The following PIK3C2G variants were observed in gnomAD, a reference collection of about 807,000 sequenced individuals.
PIK3C2G encodes the protein phosphatidylinositol-4-phosphate 3-kinase catalytic subunit type 2 gamma.
A neutral mutation model predicts 181.1 loss-of-function variants in PIK3C2G; 168 were observed. The ratio of observed to expected loss-of-function variants is 0.93; its 90% CI spans 0.82 to 1.05. PIK3C2G has a LOEUF of 1.05. PIK3C2G is among the 50% of genes least tolerant of loss of function. The probability of loss-of-function intolerance (pLI) is 0.00; values close to 1 mark genes in which losing one functional copy is unlikely to be tolerated. For synonymous variants in PIK3C2G, 573 were observed against 592.2 expected, an observed-to-expected ratio of 0.97 and a Z score of 0.47; for missense variants, 1,869 against 1,732.8, an observed-to-expected ratio of 1.08 and a Z score of -1.40.
At chr12:18,692,226 G>C in the PIK3C2G span, among the ~76,000 whole-genome samples, 17 of 152,102 alleles carry the variant, frequency 1.1e-4, no homozygotes, top group Admixed American at 2.0e-4. Flanking sequence ...GGTAGGATCT[G>C]AGATGGTTTA....
intron 15 of PIK3C2G, among the ~76,000 whole-genome samples, chr12:18,393,321 C>G (rs1943656177): frequency 6.6e-6 from 1 of 152,002 alleles, no homozygotes; most frequent in Admixed American, 6.6e-5. Flanking sequence ...TTATTCTGGA[C>G]TGTGAAAATA....
chr12:18,317,610 A>G (rs1473658063), intron 6 of PIK3C2G, among the ~76,000 whole-genome samples: 1 of 152,204 alleles, frequency 6.6e-6, no homozygotes, highest in Non-Finnish European at 1.5e-5. Flanking sequence ...GCCAGCTCTA[A>G]AAGTTGAGAG....
At chr12:18,318,592 AT>A (rs935731744) in intron 6 of PIK3C2G, among the ~76,000 whole-genome samples, 2 of 152,040 alleles carry the variant, frequency 1.3e-5, no homozygotes, top group East Asian at 3.9e-4. Context: ...TCTTGATAGT[AT>A]TTTTTTCACA....
chr12:18,713,721 C>T, the PIK3C2G span: 18 of 152,170 alleles, frequency 1.2e-4, no homozygotes, highest in African/African-American at 4.1e-4. Context: ...CTAGGAGAAA[C>T]GTATGACCTG....
At chr12:18,704,429 G>A in the PIK3C2G span, among the ~76,000 whole-genome samples, 2,194 of 152,174 alleles carry the variant, frequency 0.014, 44 homozygotes, top group African/African-American at 0.05. Flanking sequence ...GGGTTCAAGC[G>A]ATTCTCCTGC....
intron 8 of PIK3C2G, among the ~76,000 whole-genome samples, chr12:18,327,324 G>C (rs2137513177): frequency 6.6e-6 from 1 of 152,070 alleles, no homozygotes. Context: ...ACATTAAGTA[G>C]CATTTCATCA....
intron 31 of PIK3C2G, among the ~76,000 whole-genome samples, chr12:18,630,499 C>T (rs959114525): frequency 3.9e-5 from 6 of 152,040 alleles, no homozygotes; most frequent in Non-Finnish European, 8.8e-5. Context: ...AATATATTGA[C>T]AGCTTAGAAA....
At chr12:18,249,660 T>G (rs1314635037) in intron 1 of PIK3C2G, among the ~76,000 whole-genome samples, 2 of 152,130 alleles carry the variant, frequency 1.3e-5, no homozygotes. Context: ...TTCTCCAGAT[T>G]TAGCCAAACA....
chr12:18,390,933 C>T (rs1169722449), intron 14 of PIK3C2G, among the ~76,000 whole-genome samples, 189 bp from the exon 15 acceptor site: 1 of 151,980 alleles, frequency 6.6e-6, no homozygotes, highest in African/African-American at 2.4e-5. Context: ...GGCTAAATAA[C>T]TTGTATATTT....
intron 16 of PIK3C2G, among the ~76,000 whole-genome samples, chr12:18,413,735 G>T (rs1945003913): frequency 6.6e-6 from 1 of 152,098 alleles, no homozygotes; most frequent in Non-Finnish European, 1.5e-5. Context: ...TTGCTAAAGA[G>T]TGTCTCCTGG....
At chr12:18,547,644 AAAAAC>A (rs143686648) in intron 26 of PIK3C2G, among the ~76,000 whole-genome samples, 29 of 150,968 alleles carry the variant, frequency 1.9e-4, no homozygotes, top group East Asian at 2.0e-4. Context: ...GAGTTGTTGC[AAAAAC>A]AAAACAAAAC....
intron 18 of PIK3C2G, among the ~76,000 whole-genome samples, chr12:18,453,939 C>T (rs996198156): frequency 5.3e-5 from 8 of 152,260 alleles, no homozygotes; most frequent in African/African-American, 1.9e-4. Flanking sequence ...AATTCCACCC[C>T]TCTGCTTAGC....
intron 29 of PIK3C2G, among the ~76,000 whole-genome samples, chr12:18,592,780 G>A (rs1413182104): frequency 6.6e-6 from 1 of 151,892 alleles, no homozygotes; most frequent in Admixed American, 6.6e-5. Flanking sequence ...GAGGAAAAAC[G>A]GAAGAAGAGT....
intron 2 of PIK3C2G, among the ~76,000 whole-genome samples, chr12:18,284,719 A>T (rs1199643327): frequency 1.3e-5 from 2 of 152,158 alleles, no homozygotes; most frequent in Non-Finnish European, 2.9e-5. Flanking sequence ...CAGCGCTGGA[A>T]ACAAAACATA....
the PIK3C2G span, among the ~76,000 whole-genome samples, chr12:18,661,370 A>G: frequency 9.6e-6 from 1 of 104,132 alleles, no homozygotes; most frequent in Non-Finnish European, 2.4e-5. Flanking sequence ...GCCAAAAATA[A>G]AAAAAAAGAG....
downstream of PIK3C2G, among the ~76,000 whole-genome samples, chr12:18,649,687 A>C (rs1294546373): frequency 6.6e-6 from 1 of 152,166 alleles, no homozygotes; most frequent in African/African-American, 2.4e-5. Flanking sequence ...ACTTTAGTCA[A>C]AATCACTGTT....
chr12:18,408,487 C>T (rs912383410), intron 16 of PIK3C2G, among the ~76,000 whole-genome samples: 4 of 152,100 alleles, frequency 2.6e-5, no homozygotes, highest in African/African-American at 4.8e-5. Flanking sequence ...AGTTTGAAGT[C>T]AGGTAGCATG....
At chr12:18,545,866 G>T (rs1271224482) in intron 25 of PIK3C2G, among the ~76,000 whole-genome samples, 6 of 151,780 alleles carry the variant, frequency 4.0e-5, no homozygotes, top group Non-Finnish European at 5.9e-5. Context: ...TCTCTAAAAT[G>T]CATATTATTA....
chr12:18,519,049 G>A (rs1942740200), intron 24 of PIK3C2G, among the ~76,000 whole-genome samples: 1 of 152,204 alleles, frequency 6.6e-6, no homozygotes. Flanking sequence ...GGTTTTGAGT[G>A]AGTTTCTTAA....
Sources: allele counts gnomAD v4.1 joint callset (sites outside exome capture counted in the v4.1 genomes callset), GRCh38; gene constraint gnomAD v4.1.1; transcripts MANE v1.5; gene names NCBI Gene and HGNC (gene_info 2026-07-23, HGNC 2026-07-21).